ASRGL1: variants seen among roughly 807,000 people sequenced by gnomAD.
ASRGL1 encodes asparaginase and isoaspartyl peptidase 1.
ASRGL1 carries 16 observed loss-of-function variants against 22.4 expected under a neutral mutation model. The ratio of observed to expected loss-of-function variants is 0.71; its 90% CI spans 0.48 to 1.08. The LOEUF is 1.08. ASRGL1 is among the 50% of genes least tolerant of loss of function. The probability of loss-of-function intolerance (pLI) is 0.00; values close to 1 mark genes in which losing one functional copy is unlikely to be tolerated. For missense variants in ASRGL1, 412 were observed against 410.1 expected (o/e 1.00, Z -0.04); for synonymous variants, 165 against 159.3 (o/e 1.04, Z -0.27).
chr11:62,364,158 CAAAA>C (rs71053048), intron 4 of ASRGL1, among the ~76,000 whole-genome samples: 2 of 93,514 alleles, frequency 2.1e-5, no homozygotes, highest in African/African-American at 9.0e-5. Flanking sequence ...GAGTCCGTCT[CAAAA>C]AAAAAAAAAA....
At chr11:62,367,228 C>T (rs1229161176) in intron 4 of ASRGL1, among the ~76,000 whole-genome samples, 3 of 151,962 alleles carry the variant, frequency 2.0e-5, no homozygotes, top group East Asian at 1.9e-4. Context: ...GTCCCAGCTG[C>T]TCGGGAGGCT....
downstream of ASRGL1, among the ~76,000 whole-genome samples, chr11:62,397,521 G>A (rs770571501): frequency 2.7e-4 from 41 of 152,014 alleles, no homozygotes; most frequent in Admixed American, 4.6e-4. Context: ...AAAATTAGCC[G>A]GGCATGGTGA....
chr11:62,337,570 C>T lies in ASRGL1; in HGVS notation c.-93C>T, dbSNP rs1013678981. 6.1e-6 allele frequency: 1 copy of T among 165,214 alleles called. No homozygotes were observed. The allele number at this position is 165,214 out of a possible 1,614,324, so 10.2% of individuals were successfully genotyped here. ...TCTCGGCGTCCGCGTCCTGCGGTGC[C>T]CTGGGTAAGTCGGCGGCCCTCCCGG... is the stretch of plus-strand genomic sequence containing the variant. On this transcript the variant is annotated 5_prime_UTR_variant, in exon 1 of 7. Coordinates refer to ENST00000415229, the MANE Select transcript of ASRGL1 (RefSeq NM_001083926.2).
At chr11:62,373,439 C>G (rs1218585007) in intron 4 of ASRGL1, among the ~76,000 whole-genome samples, 7 of 152,196 alleles carry the variant, frequency 4.6e-5, no homozygotes, top group Admixed American at 4.6e-4. Flanking sequence ...TACAAAGAGG[C>G]AGAAACTTTG....
chr11:62,397,494 G>A (rs138362807), downstream of ASRGL1, among the ~76,000 whole-genome samples: 6,123 of 151,890 alleles, frequency 0.04, 425 homozygotes, highest in African/African-American at 0.14. Flanking sequence ...GAGAAACCCC[G>A]TCTCTACTAA....
At chr11:62,366,632 A>T (rs577547084) in intron 4 of ASRGL1, among the ~76,000 whole-genome samples, 1 of 151,308 alleles carries the variant, frequency 6.6e-6, no homozygotes, top group South Asian at 2.1e-4. Flanking sequence ...CCTTTGAATT[A>T]TTTTTTCCCT....
At position 62,337,896 on chromosome 11, in the gene ASRGL1, C is replaced by T. The variant is rs1945762094; in HGVS notation, c.-82C>T. Reference sequence around the variant, plus strand: ...CTGGGCATTGTCCCCACAGGGTCTCCCGAGGACCTTGTACCCGCGCGGCTT... The same window carrying T: ...CTGGGCATTGTCCCCACAGGGTCTCTCGAGGACCTTGTACCCGCGCGGCTT... On this transcript the variant is annotated 5_prime_UTR_variant, in exon 2 of 7. Transcript: ENST00000415229. 1.4e-6 allele frequency: 2 copies of T among 1,458,934 alleles called. No individual in the cohort carries two copies. The highest frequency in any genetic ancestry group is 1.4e-5 in the African/African-American group (1 of 71,604). 90.4% of individuals were successfully genotyped at this position (1,458,934 alleles called of 1,614,324 possible). A position where few individuals can be genotyped will look rare whatever the true frequency, so the allele number is the denominator to read the frequency against.
intron 2 of ASRGL1, among the ~76,000 whole-genome samples, chr11:62,340,032 T>G (rs1483008076): frequency 6.6e-6 from 1 of 150,510 alleles, no homozygotes; most frequent in Admixed American, 6.6e-5. Context: ...AAAGCTGAGG[T>G]GGGCGGATCA....
At chr11:62,396,725 A>G (rs1020200317), downstream of ASRGL1, among the ~76,000 whole-genome samples, 2 of 152,052 alleles carry the variant, frequency 1.3e-5, no homozygotes, top group Non-Finnish European at 2.9e-5. Flanking sequence ...TGACAGAGGT[A>G]GGGGCCAGCC....
intron 4 of ASRGL1, among the ~76,000 whole-genome samples, chr11:62,373,654 G>A (rs1027312985): frequency 1.3e-5 from 2 of 152,228 alleles, no homozygotes; most frequent in African/African-American, 2.4e-5. Context: ...TCATGCTCGC[G>A]TGCTTCGGAA....
rs1334825256 is a variant in ASRGL1 at position 62,356,993 on chromosome 11, C to G, written c.340C>G (p.His114Asp). The G allele has an allele frequency of 6.3e-7, 1 of 1,597,908 alleles. No homozygotes were observed. Among genetic ancestry groups the G allele is most frequent in the East Asian group, 2.2e-5 (1 of 44,852 alleles). ...TCTTTTCTTTCTGGCTCAGACACCT[C>G]ATTGCTTTCTGACTGACCAAGGCGC... Reference protein sequence around the residue: ...LARLVMEKTPHCFLTDQGAAQ... With the variant: ...LARLVMEKTPDCFLTDQGAAQ... Residue 114 changes from histidine to aspartate, a missense_variant, in exon 4 of 7, where the codon CAT becomes GAT. His to Asp is a moderately conservative substitution (Grantham distance 81). Coordinates refer to ENST00000415229, the MANE Select transcript of ASRGL1 (RefSeq NM_001083926.2).
At position 62,374,402 on chromosome 11, in the gene ASRGL1, G is replaced by A. The variant is rs144793484; in HGVS notation, c.492-14731G>A. ...GCAACAGCTGGGGCTGGGGCTCTTG[G>A]TTTCCAGAGGGTCTGGACTGGTTTG... On this transcript the variant is annotated intron_variant, in intron 4 of 6. Transcript: ENST00000415229. Among the ~76,000 whole-genome samples the A allele has an allele frequency of 4.4e-3, 671 of 152,252 alleles. 11 individuals are homozygous for A. Among genetic ancestry groups the A allele is most frequent in the African/African-American group, 0.016 (645 of 41,512 alleles).
chr11:62,346,777 C>CT (rs760675489), intron 2 of ASRGL1, among the ~76,000 whole-genome samples: 11 of 151,784 alleles, frequency 7.2e-5, no homozygotes, highest in Non-Finnish European at 1.3e-4. Flanking sequence ...CGAGACCTGC[C>CT]TGAGCAACAT....
chr11:62,373,006 A>G lies in ASRGL1; in HGVS notation c.491+15862A>G, dbSNP rs1252169356. On this transcript the variant is annotated intron_variant, in intron 4 of 6. Coordinates refer to ENST00000415229, the MANE Select transcript of ASRGL1 (RefSeq NM_001083926.2). ...TTTGGGGAACTGGGCTACAGGGATC[A>G]CAAGCCCAAGTCTTCCACTGCAGCC... 4 of 1,392,194 alleles carry G rather than the reference A, an allele frequency of 2.9e-6. No individual in the cohort carries two copies. In the African/African-American group the frequency reaches 5.7e-5, roughly 20 times the overall value. 86.2% of individuals were successfully genotyped at this position (1,392,194 alleles called of 1,614,324 possible).
At chr11:62,386,914 A>T (rs552563063) in intron 4 of ASRGL1, among the ~76,000 whole-genome samples, 4 of 148,468 alleles carry the variant, frequency 2.7e-5, no homozygotes, top group Admixed American at 6.7e-5. Flanking sequence ...TTTTTCTGAG[A>T]TGGAGTCTCA....
intron 4 of ASRGL1, 106 bp from the exon 5 acceptor site, chr11:62,389,027 C>A: frequency 1.1e-6 from 1 of 936,444 alleles, no homozygotes; most frequent in Non-Finnish European, 1.7e-6. Flanking sequence ...ATGGGTGCCC[C>A]ATCAACATAT....
rs1554998906 is a variant in ASRGL1 at position 62,347,628 on chromosome 11, G to GT, written c.191-8697_191-8696insT. 9.9e-4 allele frequency among the ~76,000 whole-genome samples: 148 copies of GT among 150,164 alleles called. 1 individual carries two copies. The highest frequency in any genetic ancestry group is 9.5e-3 in the Admixed American group (144 of 15,108). Reference sequence around the variant, plus strand: ...CAATCTTCGGTTGAAAATATTTGGGGAAAAAAAAAACCGTGTAAGACTGCC... The same window carrying GT: ...CAATCTTCGGTTGAAAATATTTGGGGTAAAAAAAAAACCGTGTAAGACTGCC... On this transcript the variant is annotated intron_variant, in intron 2 of 6. Transcript: ENST00000415229.
At chr11:62,368,834 A>G (rs1946683950) in intron 4 of ASRGL1, among the ~76,000 whole-genome samples, 1 of 152,154 alleles carries the variant, frequency 6.6e-6, no homozygotes, top group South Asian at 2.1e-4. Flanking sequence ...TTGGTGCATT[A>G]AAGAGCAGTA....
chr11:62,400,931 C>G, the ASRGL1 span, among the ~76,000 whole-genome samples: 1 of 152,182 alleles, frequency 6.6e-6, no homozygotes, highest in Non-Finnish European at 1.5e-5. Context: ...GACCAGCTCC[C>G]AGGAAAGGGA....
Sources: gnomAD v4.1 joint callset for allele counts (sites outside exome capture counted in the v4.1 genomes callset) on GRCh38, gnomAD v4.1.1 for gene constraint, MANE v1.5 for transcripts, NCBI Gene and HGNC (gene_info 2026-07-23, HGNC 2026-07-21) for gene names.